Variants in COPZ1 observed in about 807,000 individuals in gnomAD.
The protein encoded by COPZ1 is coatomer subunit zeta-1.
Under a neutral mutation model 31.7 loss-of-function variants are expected in COPZ1, and 4 were observed. The observed-to-expected ratio is 0.13, with a 90% CI of 0.06 to 0.29. COPZ1 has a LOEUF of 0.29. COPZ1 is among the 10% of genes least tolerant of loss of function. COPZ1 has a pLI of 1.00. For synonymous variants in COPZ1, 74 were observed against 79.0 expected (o/e 0.94, Z 0.33); for missense variants, 156 against 211.5 (o/e 0.74, Z 1.63).
intron 2 of COPZ1, among the ~76,000 whole-genome samples, chr12:54,341,797 G>A (rs1257759300): frequency 2.0e-5 from 3 of 152,184 alleles, no homozygotes; most frequent in Non-Finnish European, 4.4e-5. Flanking sequence ...TTCATACAGT[G>A]AGTGAGGGTC....
chr12:54,326,961 CTTTT>C (rs60827109), intron 1 of COPZ1, among the ~76,000 whole-genome samples: 1 of 43,564 alleles, frequency 2.3e-5, no homozygotes, highest in Non-Finnish European at 4.4e-5. Flanking sequence ...AACAAGTATT[CTTTT>C]TTTTTTTTTT....
chr12:54,329,442 G>C (rs969531462), intron 1 of COPZ1, among the ~76,000 whole-genome samples: 1 of 152,050 alleles, frequency 6.6e-6, no homozygotes, highest in African/African-American at 2.4e-5. Flanking sequence ...AATTAGCTGG[G>C]CGTGGTGGCA....
chr12:54,325,446 G>A (rs894678278), intron 1 of COPZ1: 2 of 488,572 alleles, frequency 4.1e-6, no homozygotes, highest in Non-Finnish European at 7.3e-6. Context: ...ACCTGTAGGC[G>A]TACTGGATTA....
At chr12:54,327,162 G>C (rs1442118978) in intron 1 of COPZ1, among the ~76,000 whole-genome samples, 3 of 150,820 alleles carry the variant, frequency 2.0e-5, no homozygotes, top group African/African-American at 7.3e-5. Context: ...TGTATTTTTA[G>C]TAGAAACAGG....
intron 1 of COPZ1, among the ~76,000 whole-genome samples, chr12:54,332,919 A>G (rs923377352): frequency 2.0e-5 from 3 of 152,102 alleles, no homozygotes; most frequent in Admixed American, 1.3e-4. Flanking sequence ...TTACAAAAGT[A>G]TCACTCATTT....
chr12:54,350,806 C>A lies in COPZ1; in HGVS notation c.*283C>A. On this transcript the variant is annotated 3_prime_UTR_variant, in exon 9 of 9. Coordinates refer to ENST00000262061, the MANE Select transcript of COPZ1 (RefSeq NM_016057.3). ...AGACTGGATTATGCTCACATGCTCC[C>A]TTGCCCTGACATTTTTGTAAATTCT... 1 of 480,482 alleles carries A rather than the reference C, an allele frequency of 2.1e-6. No individual in the cohort carries two copies. Among genetic ancestry groups the A allele is most frequent in the Non-Finnish European group, 3.8e-6 (1 of 263,816 alleles). 29.8% of individuals were successfully genotyped at this position (480,482 alleles called of 1,614,324 possible).
chr12:54,330,097 A>C (rs1953723111), intron 1 of COPZ1, among the ~76,000 whole-genome samples: 1 of 152,084 alleles, frequency 6.6e-6, no homozygotes, highest in Non-Finnish European at 1.5e-5. Flanking sequence ...TGTTAGGAGA[A>C]GCAATCTCCT....
At chr12:54,325,235 C>T in intron 1 of COPZ1, 54 bp downstream of exon 1, 1 of 1,543,168 alleles carries the variant, frequency 6.5e-7, no homozygotes. Context: ...GGCCGGGAGT[C>T]AGGGTTCAGC....
intron 4 of COPZ1, chr12:54,345,220 G>T (rs1310109489): frequency 2.1e-6 from 1 of 480,942 alleles, no homozygotes; most frequent in African/African-American, 1.9e-5. Flanking sequence ...GACTGTGACA[G>T]GGAAGTTCTG....
chr12:54,335,792 T>C lies in COPZ1; in HGVS notation c.19-4755T>C, dbSNP rs372159959. ...GCTCAAGCGATCCTCCTGCCTCAGC[T>C]TCCTGAGTAGCTGAGACTACAGGTG... On this transcript the variant is annotated intron_variant, in intron 1 of 8. Coordinates refer to ENST00000262061, the MANE Select transcript of COPZ1 (RefSeq NM_016057.3). Among the ~76,000 whole-genome samples, 501 of 151,842 alleles carry C rather than the reference T, an allele frequency of 3.3e-3. 5 individuals are homozygous for C. Among genetic ancestry groups the C allele is most frequent in the South Asian group, 0.024 (116 of 4,794 alleles).
chr12:54,348,190 T>C, intron 7 of COPZ1, 139 bp downstream of exon 7: 1 of 707,194 alleles, frequency 1.4e-6, no homozygotes, highest in Non-Finnish European at 2.4e-6. Flanking sequence ...ACATTCAGCC[T>C]TTCTCTTCCC....
intron 1 of COPZ1, among the ~76,000 whole-genome samples, chr12:54,339,959 T>C (rs938452803): frequency 3.3e-5 from 5 of 149,440 alleles, no homozygotes; most frequent in Non-Finnish European, 7.4e-5. Context: ...CTAGGCTGCA[T>C]TGAGAACTGG....
At position 54,351,471 on chromosome 12, in the gene COPZ1, C is replaced by T. The variant is rs1954147150; in HGVS notation, c.*948C>T. On this transcript the variant is annotated 3_prime_UTR_variant, in exon 9 of 9. Coordinates refer to ENST00000262061, the MANE Select transcript of COPZ1 (RefSeq NM_016057.3). The stretch of plus-strand genomic sequence containing the variant: ...GGGTCTGCAGTCGCTGCAACCTACC[C>T]TCTCTCTGCCTCAGCCTTACACCCA... The T allele has an allele frequency of 6.6e-6, 1 of 152,274 alleles. No homozygotes were observed. The highest frequency in any genetic ancestry group is 1.5e-5 in the Non-Finnish European group (1 of 68,128). The allele number at this position is 152,274 out of a possible 1,614,324, so 9.4% of individuals were successfully genotyped here. A position where few individuals can be genotyped will look rare whatever the true frequency, so the allele number is the denominator to read the frequency against.
intron 5 of COPZ1, among the ~76,000 whole-genome samples, chr12:54,347,443 C>T (rs535951086): frequency 6.6e-6 from 1 of 152,210 alleles, no homozygotes. Flanking sequence ...TGTTTTTTTC[C>T]ACCCACTGAT....
At chr12:54,344,148 T>C (rs1954020173) in intron 4 of COPZ1, among the ~76,000 whole-genome samples, 2 of 152,230 alleles carry the variant, frequency 1.3e-5, no homozygotes, top group African/African-American at 4.8e-5. Context: ...GTCCATGCTT[T>C]TTAAAAAATT....
In COPZ1 at chr12:54,331,480, A is replaced by G. The variant is rs189776963; in HGVS notation, c.18+6299A>G. On this transcript the variant is annotated intron_variant, in intron 1 of 8. Coordinates refer to ENST00000262061, the MANE Select transcript of COPZ1 (RefSeq NM_016057.3). ...AGGTGTGAGCCACTGCGCCCGGCCT[A>G]TTTTCTCACTCTCAATGCAGATATC... 1.3e-3 allele frequency among the ~76,000 whole-genome samples: 200 copies of G among 151,790 alleles called. 1 individual carries two copies. The highest frequency in any genetic ancestry group is 4.4e-3 in the African/African-American group (182 of 41,444).
At chr12:54,349,046 C>A (rs1419136997) in intron 7 of COPZ1, among the ~76,000 whole-genome samples, 1 of 152,194 alleles carries the variant, frequency 6.6e-6, no homozygotes, top group Non-Finnish European at 1.5e-5. Flanking sequence ...AATGGGAAAT[C>A]TCTCTTAACT....
chr12:54,345,225 G>A (rs1218283732), intron 4 of COPZ1: 1 of 490,702 alleles, frequency 2.0e-6, no homozygotes, highest in African/African-American at 1.9e-5. Flanking sequence ...TGACAGGGAA[G>A]TTCTGTTTAA....
intron 1 of COPZ1, among the ~76,000 whole-genome samples, chr12:54,326,124 A>AATAATTATTATTATTATTATTATTATT (rs1555152047): frequency 7.2e-6 from 1 of 139,164 alleles, no homozygotes; most frequent in African/African-American, 2.7e-5. Context: ...CCTGGCCAGG[A>AATAATTATTATTATTATTATTATTATT]ATTATTATTA....
Sources: gnomAD v4.1 joint callset for allele counts (sites outside exome capture counted in the v4.1 genomes callset) on GRCh38, gnomAD v4.1.1 for gene constraint, MANE v1.5 for transcripts, NCBI Gene and HGNC (gene_info 2026-07-23, HGNC 2026-07-21) for gene names.